The following NCAM2 variants were observed in gnomAD, a reference collection of about 807,000 sequenced individuals.
NCAM2 encodes neural cell adhesion molecule 2.
A neutral mutation model predicts 98.1 loss-of-function variants in NCAM2; 30 were observed. The observed-to-expected ratio is 0.31, with a 90% CI of 0.23 to 0.41. NCAM2 has a LOEUF of 0.41. NCAM2 is among the 10% of genes least tolerant of loss of function. The pLI, the probability that NCAM2 is intolerant of heterozygous loss-of-function variation, is 1.00. For missense variants in NCAM2, 867 were observed against 1,005.8 expected, an observed-to-expected ratio of 0.86 and a Z score of 1.87; for synonymous variants, 368 against 342.4, an observed-to-expected ratio of 1.07 and a Z score of -0.83.
At chr21:21,040,281 T>A (rs1028332475) in intron 1 of NCAM2, among the ~76,000 whole-genome samples, 1 of 152,194 alleles carries the variant, frequency 6.6e-6, no homozygotes, top group African/African-American at 2.4e-5. Flanking sequence ...GATGTTTAAC[T>A]CACTTTCTTA....
At chr21:21,283,337 C>A (rs974586849) in intron 2 of NCAM2, among the ~76,000 whole-genome samples, 8 of 151,894 alleles carry the variant, frequency 5.3e-5, no homozygotes, top group African/African-American at 1.9e-4. Context: ...TTAATAGTGT[C>A]TGCTGCTTCC....
intron 1 of NCAM2, among the ~76,000 whole-genome samples, chr21:21,034,888 T>G (rs6417714): frequency 0.96 from 145,769 of 152,138 alleles, 70,154 homozygotes; most frequent in East Asian, 1. Context: ...CCATATAGGG[T>G]TTTTAAAAGT....
At chr21:21,489,105 C>T (rs1986636322) in intron 15 of NCAM2, among the ~76,000 whole-genome samples, 1 of 152,064 alleles carries the variant, frequency 6.6e-6, no homozygotes, top group African/African-American at 2.4e-5. Flanking sequence ...ACACTCATGC[C>T]TCGGCCTGCC....
chr21:21,188,399 C>T (rs184051931), intron 1 of NCAM2, among the ~76,000 whole-genome samples: 6 of 151,820 alleles, frequency 4.0e-5, no homozygotes, highest in Admixed American at 6.6e-5. Context: ...ATTACATATC[C>T]GTGAAAGTTA....
At chr21:21,311,234 T>A (rs2074040573) in intron 5 of NCAM2, among the ~76,000 whole-genome samples, 1 of 152,204 alleles carries the variant, frequency 6.6e-6, no homozygotes, top group South Asian at 2.1e-4. Flanking sequence ...ATTTTTGTTG[T>A]TGTTGTTGGC....
intron 1 of NCAM2, among the ~76,000 whole-genome samples, chr21:21,117,911 A>G (rs946660396): frequency 6.6e-6 from 1 of 152,188 alleles, no homozygotes; most frequent in Non-Finnish European, 1.5e-5. Context: ...CTAATTCTAT[A>G]TAATGATTGA....
intron 1 of NCAM2, among the ~76,000 whole-genome samples, chr21:21,163,475 TA>T (rs532734651): frequency 7.9e-5 from 12 of 152,162 alleles, no homozygotes; most frequent in Non-Finnish European, 1.6e-4. Context: ...TCGTTTGCTT[TA>T]TTTTTTTTTG....
chr21:21,494,720 A>G (rs543405498), intron 15 of NCAM2, among the ~76,000 whole-genome samples: 100 of 152,064 alleles, frequency 6.6e-4, no homozygotes, highest in African/African-American at 2.3e-3. Context: ...ATAATGTGAA[A>G]TGTCAGTATA....
At chr21:21,193,122 A>G (rs1183995020) in intron 1 of NCAM2, among the ~76,000 whole-genome samples, 3 of 152,168 alleles carry the variant, frequency 2.0e-5, no homozygotes, top group African/African-American at 7.2e-5. Flanking sequence ...AACTATCCCC[A>G]TCTCTCTGTT....
intron 1 of NCAM2, among the ~76,000 whole-genome samples, chr21:21,016,809 G>A (rs1022307559): frequency 3.3e-5 from 5 of 152,120 alleles, no homozygotes; most frequent in African/African-American, 1.2e-4. Context: ...CGCAGGTCAC[G>A]TAGCTATGAA....
At chr21:21,220,715 T>G (rs2070112204) in intron 1 of NCAM2, among the ~76,000 whole-genome samples, 1 of 152,178 alleles carries the variant, frequency 6.6e-6, no homozygotes, top group Non-Finnish European at 1.5e-5. Context: ...TAATTTAATG[T>G]GCCCATGAAT....
At chr21:21,374,531 A>T (rs975039633) in intron 9 of NCAM2, among the ~76,000 whole-genome samples, 1 of 151,902 alleles carries the variant, frequency 6.6e-6, no homozygotes, top group African/African-American at 2.4e-5. Context: ...TGACAAGGAT[A>T]GTTTTTAAAA....
chr21:21,215,141 C>CTTCACA (rs1300361606), intron 1 of NCAM2, among the ~76,000 whole-genome samples: 3 of 151,930 alleles, frequency 2.0e-5, no homozygotes, highest in African/African-American at 7.3e-5. Context: ...AAATATGGTG[C>CTTCACA]TGTATTGGGA....
intron 1 of NCAM2, among the ~76,000 whole-genome samples, chr21:21,089,220 A>G (rs940136392): frequency 3.9e-5 from 6 of 152,158 alleles, no homozygotes; most frequent in Admixed American, 1.3e-4. Flanking sequence ...AATTACCCCA[A>G]TAGAAATATT....
At chr21:21,446,465 C>G (rs1259179641) in intron 12 of NCAM2, among the ~76,000 whole-genome samples, 9 of 151,982 alleles carry the variant, frequency 5.9e-5, no homozygotes, top group Admixed American at 5.9e-4. Context: ...TTCAGGTACT[C>G]CAATCAATCA....
intron 1 of NCAM2, among the ~76,000 whole-genome samples, chr21:21,250,297 G>A (rs559724761): frequency 6.6e-6 from 1 of 152,280 alleles, no homozygotes; most frequent in Admixed American, 6.5e-5. Context: ...CTCAACTCAT[G>A]CTCTCTAGGG....
rs1421132580 is a variant in NCAM2, at chr21:20,998,601, T to G, written c.38T>G (p.Leu13Arg). Residue 13 changes from leucine (L) to arginine (R), a missense_variant, in exon 1 of 18, where the codon CTT becomes CGT. Physicochemically the swap from Leu to Arg is moderately radical, Grantham distance 102. Transcript: ENST00000400546. ...LLLSFYLLGL[L>R]VSSGQALLQV... Reference sequence around the variant, plus strand: ...CTCTCCTTCTACCTGCTGGGGTTGCTTGTCAGTAGCGGGCAAGGTAGGAGT... The same window carrying G: ...CTCTCCTTCTACCTGCTGGGGTTGCGTGTCAGTAGCGGGCAAGGTAGGAGT... The G allele has an allele frequency of 6.2e-7, 1 of 1,614,120 alleles. No individual in the cohort carries two copies. Among genetic ancestry groups the G allele is most frequent in the Admixed American group, 1.7e-5 (1 of 60,020 alleles).
rs566714758 is a variant in NCAM2, at chr21:21,220,900, C to A, written c.56-59678C>A. Reference sequence around the variant, plus strand: ...GTTTTATTACACCATGCTAATATTGCTCTTGACAGATATTTCATATTTTAC... The same window carrying A: ...GTTTTATTACACCATGCTAATATTGATCTTGACAGATATTTCATATTTTAC... On this transcript the variant is annotated intron_variant, in intron 1 of 17. Coordinates refer to ENST00000400546, the MANE Select transcript of NCAM2 (RefSeq NM_004540.5). Among the ~76,000 whole-genome samples the A allele has an allele frequency of 3.3e-5, 5 of 152,286 alleles. No individual in the cohort carries two copies. In the South Asian group the frequency reaches 6.2e-4, roughly 19 times the overall value.
intron 1 of NCAM2, among the ~76,000 whole-genome samples, chr21:21,234,371 C>A (rs920063521): frequency 5.3e-5 from 8 of 151,768 alleles, no homozygotes; most frequent in Non-Finnish European, 1.0e-4. Flanking sequence ...ATAATAGATG[C>A]ATCTTGCTTA....
Sources: allele counts gnomAD v4.1 joint callset (sites outside exome capture counted in the v4.1 genomes callset), GRCh38; gene constraint gnomAD v4.1.1; transcripts MANE v1.5; gene names NCBI Gene and HGNC (gene_info 2026-07-23, HGNC 2026-07-21).